ADAM22: variants seen among roughly 807,000 people sequenced by gnomAD.
The protein encoded by ADAM22 is disintegrin and metalloproteinase domain-containing protein 22.
ADAM22 carries 65 observed loss-of-function variants against 144.6 expected under a neutral mutation model. The ratio of observed to expected loss-of-function variants is 0.45; its 90% CI spans 0.37 to 0.55. The LOEUF is 0.55. Ranked by LOEUF, ADAM22 falls within the 20% of genes least tolerant of loss-of-function variation. The pLI is 0.00. For synonymous variants in ADAM22, 391 were observed against 412.6 expected (o/e 0.95, Z 0.63); for missense variants, 974 against 1,184.9 (o/e 0.82, Z 2.61).
rs183951971 is a variant in ADAM22 at position 87,998,752 on chromosome 7, G to A, written c.323+20340G>A. Among the ~76,000 whole-genome samples the A allele has an allele frequency of 1.8e-4, 27 of 152,174 alleles. 1 individual carries two copies. Among genetic ancestry groups the A allele is most frequent in the African/African-American group, 6.3e-4 (26 of 41,506 alleles). ...CTGATTCCATCTGCAAAGTCTCTTC[G>A]TGCAGCACCCAAATCAGTGTTTGAT... On this transcript the variant is annotated intron_variant, in intron 3 of 31. Transcript: ENST00000413139.
chr7:88,107,608 A>G (rs552491878), intron 4 of ADAM22, among the ~76,000 whole-genome samples: 1 of 152,162 alleles, frequency 6.6e-6, no homozygotes, highest in Non-Finnish European at 1.5e-5. Flanking sequence ...CTTTTGAGAC[A>G]GAATTTCACT....
chr7:88,131,795 A>G (rs1339082427), intron 11 of ADAM22: 1 of 236,610 alleles, frequency 4.2e-6, no homozygotes, highest in Non-Finnish European at 8.0e-6. Context: ...TGGTTCTAAG[A>G]TGAGAGCTTA....
Position 88,132,867 on chromosome 7 carries a change from G to C in ADAM22, c.993G>C (p.Ser331=), listed in dbSNP as rs1832146672. 6.2e-7 allele frequency: 1 copy of C among 1,613,658 alleles called. No individual in the cohort carries two copies. Among genetic ancestry groups the C allele is most frequent in the Non-Finnish European group, 8.5e-7 (1 of 1,179,692 alleles). Residue 331 remains serine, a splice_region_variant and synonymous_variant, in exon 12 of 32, where the codon TCG becomes TCC. Coordinates refer to ENST00000413139, the MANE Select transcript of ADAM22 (RefSeq NM_001324418.2). ...KEKSDAVHLF[S]GSQFESSRSG... ...CATTTTTCATTTCCTTTTCTAAAAG[G>C]GGAAGTCAATTTGAGAGTAGCCGGA...
intron 2 of ADAM22, among the ~76,000 whole-genome samples, chr7:87,937,373 G>A (rs1452210866): frequency 6.6e-6 from 1 of 152,028 alleles, no homozygotes; most frequent in Non-Finnish European, 1.5e-5. Context: ...TTGTAGAGTT[G>A]CTCAGAGTCA....
In ADAM22 at chr7:87,992,831, A is replaced by G. The variant is rs575101408; in HGVS notation, c.323+14419A>G. 7.2e-5 allele frequency among the ~76,000 whole-genome samples: 11 copies of G among 152,202 alleles called. No individual in the cohort carries two copies. The South Asian group carries it at 2.3e-3, about 32-fold the overall frequency. On this transcript the variant is annotated intron_variant, in intron 3 of 31. Coordinates refer to ENST00000413139, the MANE Select transcript of ADAM22 (RefSeq NM_001324418.2). Reference sequence around the variant, plus strand: ...TGCTTTGTCATTCTTGGGTCCAGAAAAGACAAAAAGACCACCTCTTCCTCT... The same window carrying G: ...TGCTTTGTCATTCTTGGGTCCAGAAGAGACAAAAAGACCACCTCTTCCTCT...
At chr7:88,042,395 G>T (rs1426729079) in intron 3 of ADAM22, among the ~76,000 whole-genome samples, 2 of 149,198 alleles carry the variant, frequency 1.3e-5, no homozygotes, top group African/African-American at 4.9e-5. Flanking sequence ...TATATAGCTG[G>T]TATGAAACTA....
chr7:88,128,749 A>G (rs1217210771), intron 9 of ADAM22, 73 bp downstream of exon 9: 1 of 1,214,434 alleles, frequency 8.2e-7, no homozygotes, highest in Admixed American at 2.1e-5. Context: ...TATGTTTAGA[A>G]AAAACAAGAA....
At chr7:88,065,731 A>C (rs1040500575) in intron 3 of ADAM22, among the ~76,000 whole-genome samples, 7 of 152,034 alleles carry the variant, frequency 4.6e-5, no homozygotes, top group Non-Finnish European at 8.8e-5. Context: ...AATTGCTTTA[A>C]AATTTTTCAG....
intron 4 of ADAM22, among the ~76,000 whole-genome samples, chr7:88,103,412 T>G (rs1823487858): frequency 1.3e-5 from 2 of 152,156 alleles, no homozygotes; most frequent in African/African-American, 4.8e-5. Flanking sequence ...AATGATTATT[T>G]TGATGTTCCT....
At chr7:88,103,378 G>C (rs866648440) in intron 4 of ADAM22, among the ~76,000 whole-genome samples, 1 of 151,924 alleles carries the variant, frequency 6.6e-6, no homozygotes, top group Non-Finnish European at 1.5e-5. Context: ...TAAAAATGTG[G>C]TATGTCTTTG....
chr7:87,995,564 G>C (rs1375443492), intron 3 of ADAM22, among the ~76,000 whole-genome samples: 1 of 152,066 alleles, frequency 6.6e-6, no homozygotes, highest in Non-Finnish European at 1.5e-5. Flanking sequence ...TGGGACCAGC[G>C]GCATCATCGT....
intron 11 of ADAM22, chr7:88,131,716 T>C: frequency 2.5e-6 from 1 of 398,410 alleles, no homozygotes; most frequent in Non-Finnish European, 4.5e-6. Context: ...ATATATAGTA[T>C]TCTTAACTAC....
In ADAM22 at chr7:87,978,348, G is replaced by A; in HGVS notation, c.259G>A (p.Asp87Asn). 6.2e-7 allele frequency: 1 copy of A among 1,612,958 alleles called. No homozygotes were observed. Among genetic ancestry groups the A allele is most frequent in the East Asian group, 2.2e-5 (1 of 44,784 alleles). Residue 87 changes from aspartate to asparagine, a missense_variant, in exon 3 of 32, where the codon GAC (aspartate) becomes AAC (asparagine). By Grantham distance (23) the Asp-to-Asn change is conservative. This residue lies in a region of ADAM22 where 240 missense variants were observed against 234.3 expected (regional missense o/e 1.02). Coordinates refer to ENST00000413139, the MANE Select transcript of ADAM22 (RefSeq NM_001324418.2). ...TTTGATATTGTAGTTGACTCATGTT[G>A]ACCAAGCAAGCTTCCAGGTTGATGC... The part of the protein sequence containing the change: ...DLGGPQLTHV[D>N]QASFQVDAFG...
At chr7:87,978,470 C>T in intron 3 of ADAM22, 58 bp downstream of exon 3, 2 of 1,486,616 alleles carry the variant, frequency 1.3e-6, no homozygotes, top group Non-Finnish European at 1.9e-6. Flanking sequence ...CTTTATTTTC[C>T]ACTTGTAAAG....
At chr7:88,034,276 G>T (rs1350964541) in intron 3 of ADAM22, among the ~76,000 whole-genome samples, 2 of 152,116 alleles carry the variant, frequency 1.3e-5, no homozygotes, top group Non-Finnish European at 1.5e-5. Flanking sequence ...GCCAGAAGTT[G>T]GTCCTTCCCT....
intron 4 of ADAM22, among the ~76,000 whole-genome samples, chr7:88,077,441 G>T (rs1322128017): frequency 1.3e-5 from 2 of 152,192 alleles, no homozygotes; most frequent in South Asian, 4.1e-4. Context: ...GGTGATTTCT[G>T]CATTTCCAAC....
chr7:87,952,234 A>G (rs1255997426), intron 2 of ADAM22, among the ~76,000 whole-genome samples: 1 of 151,668 alleles, frequency 6.6e-6, no homozygotes, highest in East Asian at 1.9e-4. Flanking sequence ...TTCAAAGGGA[A>G]TGCTTCCAGT....
At chr7:88,055,794 A>C (rs1808096732) in intron 3 of ADAM22, among the ~76,000 whole-genome samples, 2 of 152,080 alleles carry the variant, frequency 1.3e-5, no homozygotes, top group Admixed American at 6.5e-5. Context: ...TCGTTTATTT[A>C]TTTATGTGCC....
chr7:88,161,431 C>T (rs1343090234), intron 22 of ADAM22, among the ~76,000 whole-genome samples: 2 of 152,078 alleles, frequency 1.3e-5, no homozygotes, highest in Non-Finnish European at 2.9e-5. Flanking sequence ...ATTATGAAGA[C>T]ACCAGAAGCA....
Sources: gnomAD v4.1 joint callset for allele counts (sites outside exome capture counted in the v4.1 genomes callset) on GRCh38, gnomAD v4.1.1 for gene constraint, gnomAD v4.1.1 regional missense constraint, MANE v1.5 for transcripts, NCBI Gene and HGNC (gene_info 2026-07-23, HGNC 2026-07-21) for gene names.